FBXW10B: variants seen among roughly 807,000 people sequenced by gnomAD.
The protein encoded by FBXW10B is F-box and WD repeat domain containing 10B.
chr17:15,587,425 T>C, the FBXW10B span, among the ~76,000 whole-genome samples: 7,479 of 151,500 alleles, frequency 0.049, 584 homozygotes, highest in African/African-American at 0.14. Flanking sequence ...TCCATTCTGT[T>C]GGGTCACTCT....
At chr17:15,594,820 G>T in the FBXW10B span, 3 of 1,614,016 alleles carry the variant, frequency 1.9e-6, no homozygotes, top group Non-Finnish European at 2.5e-6. Context: ...CAGGCCATCA[G>T]TGCTTCCTGA....
the FBXW10B span, chr17:15,573,120 A>G: frequency 1.3e-5 from 2 of 152,130 alleles, no homozygotes; most frequent in African/African-American, 4.8e-5. Flanking sequence ...GCCTATGTGT[A>G]TCTTCACCTT....
the FBXW10B span, chr17:15,615,531 T>C: frequency 7.3e-6 from 11 of 1,499,586 alleles, no homozygotes; most frequent in Non-Finnish European, 9.8e-6. Flanking sequence ...GCCAGGATGG[T>C]CTCGATCTCC....
At chr17:15,612,375 T>A in the FBXW10B span, among the ~76,000 whole-genome samples, 5 of 151,066 alleles carry the variant, frequency 3.3e-5, no homozygotes, top group South Asian at 8.3e-4. Context: ...TTAGCCGGGC[T>A]TGGTGGCGGG....
At chr17:15,612,878 C>G in the FBXW10B span, 1 of 1,592,954 alleles carries the variant, frequency 6.3e-7, no homozygotes. Flanking sequence ...TCTCTTGGCT[C>G]CAACTCTGCA....
chr17:15,613,947 C>T, the FBXW10B span: 5 of 1,588,852 alleles, frequency 3.1e-6, no homozygotes, highest in African/African-American at 1.5e-5. Context: ...TTGCAGGGAT[C>T]GTACCCTGGC....
At chr17:15,597,188 G>A in the FBXW10B span, among the ~76,000 whole-genome samples, 1 of 151,464 alleles carries the variant, frequency 6.6e-6, no homozygotes, top group South Asian at 2.1e-4. Context: ...AAATACTTCT[G>A]AATCTGACTT....
the FBXW10B span, among the ~76,000 whole-genome samples, chr17:15,611,081 A>T: frequency 0.43 from 63,994 of 147,694 alleles, 17,018 homozygotes; most frequent in African/African-American, 0.76. Context: ...TGGAGTGCAG[A>T]GGCGCAATCT....
the FBXW10B span, among the ~76,000 whole-genome samples, chr17:15,582,727 A>G: frequency 2.0e-5 from 3 of 152,156 alleles, no homozygotes; most frequent in Non-Finnish European, 4.4e-5. Context: ...AAGACTAAGA[A>G]GAGACAAAGT....
At chr17:15,607,866 G>A in the FBXW10B span, among the ~76,000 whole-genome samples, 1 of 149,620 alleles carries the variant, frequency 6.7e-6, no homozygotes, top group South Asian at 2.1e-4. Context: ...CCATGAGTTA[G>A]AAAATGTTGG....
the FBXW10B span, among the ~76,000 whole-genome samples, chr17:15,611,956 A>G: frequency 4.6e-5 from 7 of 152,186 alleles, no homozygotes; most frequent in East Asian, 5.8e-4. Context: ...TGAGGGAGCC[A>G]AATTCATCTA....
At chr17:15,602,353 T>C in the FBXW10B span, among the ~76,000 whole-genome samples, 1 of 152,026 alleles carries the variant, frequency 6.6e-6, no homozygotes, top group Non-Finnish European at 1.5e-5. Context: ...GGTTATATAG[T>C]AGTTGCTGTG....
chr17:15,590,371 G>A, the FBXW10B span, among the ~76,000 whole-genome samples: 1 of 147,728 alleles, frequency 6.8e-6, no homozygotes, highest in Non-Finnish European at 1.5e-5. Context: ...TAAGCTGAGC[G>A]ATGCAGCCTT....
At chr17:15,596,307 T>C in the FBXW10B span, among the ~76,000 whole-genome samples, 49 of 152,326 alleles carry the variant, frequency 3.2e-4, no homozygotes, top group Admixed American at 5.2e-4. Context: ...CCCATGATAC[T>C]GTGGGTCATG....
chr17:15,616,081 G>C, the FBXW10B span, among the ~76,000 whole-genome samples: 1 of 152,056 alleles, frequency 6.6e-6, no homozygotes, highest in African/African-American at 2.4e-5. Context: ...AACTGCAACA[G>C]GGAATGCTCT....
At chr17:15,566,239 G>A in the FBXW10B span, 9 of 1,611,606 alleles carry the variant, frequency 5.6e-6, no homozygotes, top group East Asian at 2.0e-4. Context: ...GGCGCTAACA[G>A]TCAGGAGGAA....
the FBXW10B span, among the ~76,000 whole-genome samples, chr17:15,576,493 A>G: frequency 1.3e-5 from 2 of 152,236 alleles, no homozygotes; most frequent in Non-Finnish European, 2.9e-5. Flanking sequence ...GGAAAGTCAG[A>G]CAAAGAAGAA....
chr17:15,597,423 C>G, the FBXW10B span, among the ~76,000 whole-genome samples: 2 of 145,688 alleles, frequency 1.4e-5, no homozygotes, highest in South Asian at 2.2e-4. Context: ...GTCAGGAAAT[C>G]GAGACCAGCC....
chr17:15,609,910 T>C, the FBXW10B span, among the ~76,000 whole-genome samples: 2 of 137,956 alleles, frequency 1.4e-5, no homozygotes, highest in Admixed American at 8.2e-5. Context: ...CAGGCTGGAG[T>C]GGTGCAGTGG....
Sources: allele counts gnomAD v4.1 joint callset (sites outside exome capture counted in the v4.1 genomes callset), GRCh38; gene constraint gnomAD v4.1.1; transcripts MANE v1.5; gene names NCBI Gene and HGNC (gene_info 2026-07-23, HGNC 2026-07-21).